The following SPMIP2 variants were observed in gnomAD, a reference collection of about 807,000 sequenced individuals.
The protein encoded by SPMIP2 is sperm microtubule inner protein 2.
the SPMIP2 span, among the ~76,000 whole-genome samples, chr4:159,041,702 T>G: frequency 6.6e-6 from 1 of 152,236 alleles, no homozygotes; most frequent in Non-Finnish European, 1.5e-5. Flanking sequence ...ATTGCTTTAG[T>G]GTTTTATGTG....
At chr4:158,960,242 A>C in the SPMIP2 span, 4 of 1,162,728 alleles carry the variant, frequency 3.4e-6, no homozygotes, top group East Asian at 9.7e-5. Context: ...CCAATTTAGG[A>C]AAGAAACACA....
At chr4:158,978,238 T>C in the SPMIP2 span, among the ~76,000 whole-genome samples, 1 of 152,216 alleles carries the variant, frequency 6.6e-6, no homozygotes, top group Non-Finnish European at 1.5e-5. Flanking sequence ...TTTGAGTGAG[T>C]TTCTTAATCC....
chr4:158,961,021 G>T, the SPMIP2 span, among the ~76,000 whole-genome samples: 1 of 151,890 alleles, frequency 6.6e-6, no homozygotes, highest in African/African-American at 2.4e-5. Flanking sequence ...GAATAAAAGT[G>T]TCAAATTTAT....
chr4:159,051,458 T>C, the SPMIP2 span, among the ~76,000 whole-genome samples: 8 of 152,186 alleles, frequency 5.3e-5, no homozygotes, highest in Non-Finnish European at 8.8e-5. Flanking sequence ...TCGTACACAA[T>C]AGAAACTAAG....
the SPMIP2 span, among the ~76,000 whole-genome samples, chr4:159,061,751 C>T: frequency 6.7e-6 from 1 of 150,286 alleles, no homozygotes; most frequent in Non-Finnish European, 1.5e-5. Flanking sequence ...GCAGAGGTTG[C>T]AGTGAGCTGA....
At chr4:159,067,457 C>T in the SPMIP2 span, among the ~76,000 whole-genome samples, 6 of 152,148 alleles carry the variant, frequency 3.9e-5, no homozygotes, top group South Asian at 2.1e-4. Flanking sequence ...TCTCAAACTC[C>T]TCACCTCAGG....
chr4:158,934,826 A>T, the SPMIP2 span, among the ~76,000 whole-genome samples: 18 of 152,022 alleles, frequency 1.2e-4, no homozygotes, highest in African/African-American at 3.6e-4. Flanking sequence ...TCTTTAAGCT[A>T]TCTCACCACC....
the SPMIP2 span, among the ~76,000 whole-genome samples, chr4:158,986,113 C>T: frequency 6.6e-6 from 1 of 150,598 alleles, no homozygotes; most frequent in Admixed American, 6.7e-5. Flanking sequence ...AACTACAAAC[C>T]ACTGTTCAAG....
chr4:159,067,427 T>G, the SPMIP2 span, among the ~76,000 whole-genome samples: 1 of 152,142 alleles, frequency 6.6e-6, no homozygotes, highest in Non-Finnish European at 1.5e-5. Context: ...GGTGGGGGTT[T>G]GACATTTTGG....
At chr4:159,006,756 A>G in the SPMIP2 span, among the ~76,000 whole-genome samples, 1 of 152,360 alleles carries the variant, frequency 6.6e-6, no homozygotes, top group East Asian at 1.9e-4. Flanking sequence ...TAGATTGCCA[A>G]TAACTTACTA....
chr4:158,992,229 G>A, the SPMIP2 span, among the ~76,000 whole-genome samples: 3 of 152,190 alleles, frequency 2.0e-5, no homozygotes, highest in Non-Finnish European at 2.9e-5. Flanking sequence ...AATGCTGCTC[G>A]TATGAGTGCA....
the SPMIP2 span, among the ~76,000 whole-genome samples, chr4:158,996,893 A>G: frequency 6.6e-6 from 1 of 152,132 alleles, no homozygotes; most frequent in Non-Finnish European, 1.5e-5. Context: ...CTGGCAAGGG[A>G]ACTGGAATTT....
chr4:158,974,422 T>C, the SPMIP2 span, among the ~76,000 whole-genome samples: 1 of 152,314 alleles, frequency 6.6e-6, no homozygotes, highest in East Asian at 1.9e-4. Context: ...ACCCGTCATC[T>C]ACATTAGGTA....
the SPMIP2 span, among the ~76,000 whole-genome samples, chr4:158,951,652 G>A: frequency 2.0e-4 from 30 of 152,278 alleles, no homozygotes; most frequent in Non-Finnish European, 1.8e-4. Flanking sequence ...ACACACACAC[G>A]CACACACAAA....
the SPMIP2 span, among the ~76,000 whole-genome samples, chr4:159,053,767 C>T: frequency 6.6e-6 from 1 of 152,002 alleles, no homozygotes; most frequent in South Asian, 2.1e-4. Flanking sequence ...TTTCTTTCCT[C>T]TTCTTTTTCT....
the SPMIP2 span, among the ~76,000 whole-genome samples, chr4:159,061,291 T>C: frequency 2.4e-4 from 37 of 151,974 alleles, no homozygotes; most frequent in African/African-American, 8.4e-4. Flanking sequence ...CAGTCCTGTA[T>C]TTTTGTTCCC....
the SPMIP2 span, among the ~76,000 whole-genome samples, chr4:159,052,243 A>T: frequency 6.6e-6 from 1 of 152,166 alleles, no homozygotes; most frequent in South Asian, 2.1e-4. Context: ...TCAAAATATC[A>T]GGCCTTGTGT....
the SPMIP2 span, among the ~76,000 whole-genome samples, chr4:159,039,313 T>C: frequency 6.6e-6 from 1 of 152,150 alleles, no homozygotes; most frequent in Admixed American, 6.6e-5. Flanking sequence ...GTGTGGAGAA[T>C]GGGCTTAAGA....
At chr4:158,995,936 A>G in the SPMIP2 span, among the ~76,000 whole-genome samples, 1 of 151,606 alleles carries the variant, frequency 6.6e-6, no homozygotes, top group Non-Finnish European at 1.5e-5. Flanking sequence ...ACTTTAAAGT[A>G]CAATTTGATC....
Sources: allele counts gnomAD v4.1 joint callset (sites outside exome capture counted in the v4.1 genomes callset), GRCh38; gene constraint gnomAD v4.1.1; transcripts MANE v1.5; gene names NCBI Gene and HGNC (gene_info 2026-07-23, HGNC 2026-07-21).